VWDE: variants seen among roughly 807,000 people sequenced by gnomAD.
VWDE encodes the protein von Willebrand factor D and EGF domain-containing protein.
VWDE carries 207 observed loss-of-function variants against 178.4 expected under a neutral mutation model. The observed-to-expected ratio is 1.16, with a 90% confidence interval of 1.04 to 1.30. The LOEUF is 1.30. Among genes scored for constraint, VWDE ranks in the 50% most tolerant of loss-of-function variants. The probability of loss-of-function intolerance (pLI) is 0.00; values close to 1 mark genes in which losing one functional copy is unlikely to be tolerated. For missense variants in VWDE, 2,287 were observed against 1,901.3 expected (o/e 1.20, Z -3.77); for synonymous variants, 738 against 651.4 (o/e 1.13, Z -2.02).
In VWDE at chr7:12,343,124, C is replaced by T. The variant is rs1180365947; in HGVS notation, c.4133G>A (p.Cys1378Tyr). 7 of 1,549,760 alleles carry T rather than the reference C, an allele frequency of 4.5e-6. No individual in the cohort carries two copies. The highest frequency in any genetic ancestry group is 4.1e-5 in the African/African-American group (3 of 72,930). ...TCCTACAAAACCATAAGGACAAGTG[C>T]AGAGATTCCCAGCCAAGCATGTGCC... Reference protein sequence around the residue: ...HGGTCLAGNLCTCPYGFVGPR... With the variant: ...HGGTCLAGNLYTCPYGFVGPR... The change falls in exon 22 of 29, where the codon TGC becomes TAC. Residue 1378 changes from cysteine (C) to tyrosine (Y), a missense_variant. Coordinates refer to ENST00000275358, the MANE Select transcript of VWDE (RefSeq NM_001135924.3).
intron 18 of VWDE, among the ~76,000 whole-genome samples, chr7:12,351,917 C>G (rs1277890942): frequency 2.0e-5 from 3 of 152,168 alleles, no homozygotes; most frequent in Non-Finnish European, 4.4e-5. Flanking sequence ...TAAATCCCTA[C>G]TCCTACATGT....
chr7:12,398,554 G>A (rs535535347), intron 1 of VWDE, among the ~76,000 whole-genome samples: 1 of 152,210 alleles, frequency 6.6e-6, no homozygotes, highest in South Asian at 2.1e-4. Flanking sequence ...TCAGAGAGAT[G>A]GATTTGAGAC....
chr7:12,362,988 C>T (rs1782669446), intron 13 of VWDE, among the ~76,000 whole-genome samples: 1 of 151,916 alleles, frequency 6.6e-6, no homozygotes. Context: ...GGGGCCTACC[C>T]AAAATGAGGA....
chr7:12,352,131 G>C lies in VWDE; in HGVS notation c.3746-418C>G, dbSNP rs144282596. ...CCAACCCTACTCGCACCTTAATCTTGAACTTTCAGCATTCAGAACTGTGAG... is the reference window on the plus strand; with the variant it reads ...CCAACCCTACTCGCACCTTAATCTTCAACTTTCAGCATTCAGAACTGTGAG... On this transcript the variant is annotated intron_variant, in intron 18 of 28. Coordinates refer to ENST00000275358, the MANE Select transcript of VWDE (RefSeq NM_001135924.3). Among the ~76,000 whole-genome samples, 3 of 152,182 alleles carry C rather than the reference G, an allele frequency of 2.0e-5. No homozygotes were observed. The East Asian group carries it at 5.8e-4, about 29-fold the overall frequency.
In VWDE at chr7:12,369,817, C is replaced by T. The variant is rs1783068280; in HGVS notation, c.2489G>A (p.Arg830Lys). ...GRLCLAFLGK[R>K]LDSVIEMCVK... Reference sequence around the variant, plus strand: ...ACACATCTCTATAACACTGTCTAATCTCTTGCCAAGAAAAGCAAGACACAG... The same window carrying T: ...ACACATCTCTATAACACTGTCTAATTTCTTGCCAAGAAAAGCAAGACACAG... Residue 830 changes from arginine to lysine, a missense_variant, in exon 12 of 29, where the codon AGA (arginine) becomes AAA (lysine). Transcript: ENST00000275358. 3.2e-6 allele frequency: 5 copies of T among 1,551,540 alleles called. No homozygotes were observed. Among genetic ancestry groups the T allele is most frequent in the Non-Finnish European group, 4.4e-6 (5 of 1,146,896 alleles).
At chr7:12,389,810 G>T (rs1001408959) in intron 2 of VWDE, among the ~76,000 whole-genome samples, 4 of 152,146 alleles carry the variant, frequency 2.6e-5, no homozygotes, top group Non-Finnish European at 5.9e-5. Context: ...AATAAAATCG[G>T]GGAGAAGGAA....
Position 12,337,267 on chromosome 7 carries a change from A to T in VWDE, c.4372T>A (p.Cys1458Ser). 1 of 1,551,820 alleles carries T rather than the reference A, an allele frequency of 6.4e-7. No individual in the cohort carries two copies. Among genetic ancestry groups the T allele is most frequent in the Non-Finnish European group, 8.7e-7 (1 of 1,146,936 alleles). The change falls in exon 25 of 29, where the codon TGT becomes AGT. Residue 1458 changes from cysteine to serine, a missense_variant. Transcript: ENST00000275358. ...FFGEHCQNAF[C>S]HPPCKNGGHC... ...CCACCATTCTTACAGGGAGGGTGACAGAAAGCTAAAAGAACACATGGCAGC... is the reference window on the plus strand; with the variant it reads ...CCACCATTCTTACAGGGAGGGTGACTGAAAGCTAAAAGAACACATGGCAGC...
Position 12,370,161 on chromosome 7 carries a change from AG to A in VWDE, c.2144del (p.Pro715LeufsTer28). ...GTAGTGAATCTTCTTTCTCATTTCC[AG>A]GATGTTTTTGTACATTTAAGCCGAG... ...TKLGLNVQKH[P>X]GNEKEDSLQY... On this transcript the variant is annotated frameshift_variant, in exon 12 of 29. Transcript: ENST00000275358. LOFTEE classifies it high-confidence loss of function. 1.9e-6 allele frequency: 3 copies of A among 1,551,444 alleles called. No homozygotes were observed. The highest frequency in any genetic ancestry group is 2.6e-6 in the Non-Finnish European group (3 of 1,146,866).
intron 1 of VWDE, among the ~76,000 whole-genome samples, chr7:12,401,552 C>T (rs1262604962): frequency 1.3e-5 from 2 of 152,156 alleles, no homozygotes; most frequent in African/African-American, 2.4e-5. Context: ...TGCTTGACAT[C>T]ATTAGCCATT....
intron 1 of VWDE, 121 bp downstream of exon 1, chr7:12,403,538 C>T: frequency 1.1e-6 from 1 of 915,308 alleles, no homozygotes; most frequent in Non-Finnish European, 1.6e-6. Flanking sequence ...GAACAAACAT[C>T]GCTTGCTGCC....
intron 4 of VWDE, among the ~76,000 whole-genome samples, 167 bp downstream of exon 4, chr7:12,383,369 C>T (rs371255485): frequency 7.2e-4 from 109 of 152,180 alleles, no homozygotes; most frequent in Non-Finnish European, 1.3e-3. Context: ...AACTCGAGGA[C>T]TATTTCTTAA....
At chr7:12,396,884 A>C (rs1208364123) in intron 1 of VWDE, among the ~76,000 whole-genome samples, 1 of 152,160 alleles carries the variant, frequency 6.6e-6, no homozygotes, top group Non-Finnish European at 1.5e-5. Context: ...GCAGTTGGCC[A>C]AGGTCATGCC....
At position 12,363,311 on chromosome 7, in the gene VWDE, A is replaced by G. The variant is rs188100834; in HGVS notation, c.2899-1790T>C. 3.3e-5 allele frequency among the ~76,000 whole-genome samples: 5 copies of G among 152,104 alleles called. No homozygotes were observed. In the East Asian group the frequency reaches 9.7e-4, roughly 29 times the overall value. The stretch of plus-strand genomic sequence containing the variant: ...ACATGAATGGAGGGAATAGTGTATG[A>G]AAAAGACAGGGATGCATGGAACAGC... On this transcript the variant is annotated intron_variant, in intron 13 of 28. Coordinates refer to ENST00000275358, the MANE Select transcript of VWDE (RefSeq NM_001135924.3).
chr7:12,372,491 G>A (rs1387578863), intron 10 of VWDE, among the ~76,000 whole-genome samples: 1 of 151,948 alleles, frequency 6.6e-6, no homozygotes, highest in Non-Finnish European at 1.5e-5. Context: ...TTTACTCACA[G>A]ATATGAAGTA....
Position 12,380,596 on chromosome 7 carries a change from A to C in VWDE, c.679T>G (p.Trp227Gly). The part of the protein sequence containing the change: ...TKNSVGFHIA[W>G]SRLSSQEVKE... ...ACTTCTTGAGAAGAAAGCCTAGACC[A>C]AGCTATGTGAAATCCCACTGAGTTT... The change falls in exon 5 of 29, where the codon TGG becomes GGG. Residue 227 changes from tryptophan to glycine, a missense_variant. Physicochemically the swap from Trp to Gly is radical, Grantham distance 184. Transcript: ENST00000275358. The C allele has an allele frequency of 6.4e-7, 1 of 1,552,352 alleles. No homozygotes were observed. The highest frequency in any genetic ancestry group is 8.7e-7 in the Non-Finnish European group (1 of 1,147,144).
chr7:12,348,660 C>T (rs1781750337), intron 19 of VWDE, among the ~76,000 whole-genome samples: 1 of 147,632 alleles, frequency 6.8e-6, no homozygotes, highest in Non-Finnish European at 1.5e-5. Flanking sequence ...TTGTGGAAGT[C>T]AGTGTGGCGA....
At position 12,379,504 on chromosome 7, in the gene VWDE, T is replaced by G; in HGVS notation, c.852A>C (p.Glu284Asp). ...ENPHVQSVAI[E>D]SQEFFAGFKL... Reference sequence around the variant, plus strand: ...TAAAGCCTGCAAAAAATTCTTGGCTTTCGATGGCTACACTTTGTACATGAG... The same window carrying G: ...TAAAGCCTGCAAAAAATTCTTGGCTGTCGATGGCTACACTTTGTACATGAG... The change falls in exon 6 of 29, where the codon GAA (glutamate) becomes GAC (aspartate). Residue 284 changes from glutamate (E) to aspartate (D), a missense_variant. Physicochemically the swap from Glu to Asp is conservative, Grantham distance 45. Transcript: ENST00000275358. 6 of 1,550,184 alleles carry G rather than the reference T, an allele frequency of 3.9e-6. No homozygotes were observed. The highest frequency in any genetic ancestry group is 5.2e-6 in the Non-Finnish European group (6 of 1,146,122).
At chr7:12,362,968 T>C (rs1298995575) in intron 13 of VWDE, among the ~76,000 whole-genome samples, 4 of 152,120 alleles carry the variant, frequency 2.6e-5, no homozygotes, top group African/African-American at 7.2e-5. Context: ...TTCCCAACTT[T>C]CTATTTCAAG....
chr7:12,357,751 T>G (rs1384160177), intron 16 of VWDE, among the ~76,000 whole-genome samples: 1 of 152,144 alleles, frequency 6.6e-6, no homozygotes, highest in Non-Finnish European at 1.5e-5. Flanking sequence ...ATGAAATCAC[T>G]TTGGATACAG....
Sources: allele counts gnomAD v4.1 joint callset (sites outside exome capture counted in the v4.1 genomes callset), GRCh38; gene constraint gnomAD v4.1.1; transcripts MANE v1.5; gene names NCBI Gene and HGNC (gene_info 2026-07-23, HGNC 2026-07-21).